The following BACH2 variants were observed in gnomAD, a reference collection of about 807,000 sequenced individuals.
The protein encoded by BACH2 is transcription regulator protein BACH2.
BACH2 carries 5 observed loss-of-function variants against 61.8 expected under a neutral mutation model. That is an observed-to-expected ratio of 0.08 (90% confidence interval 0.04 to 0.17). The LOEUF (loss-of-function observed/expected upper bound fraction) is 0.17. Among genes scored for constraint, BACH2 ranks in the 10% least tolerant of loss-of-function variants. BACH2 has a pLI of 1.00. For missense variants in BACH2, 824 were observed against 1,091.1 expected, an observed-to-expected ratio of 0.76 and a Z score of 3.45; for synonymous variants, 446 against 440.1, an observed-to-expected ratio of 1.01 and a Z score of -0.17.
chr6:90,028,078 G>C (rs1043966056), intron 5 of BACH2, among the ~76,000 whole-genome samples: 1 of 152,174 alleles, frequency 6.6e-6, no homozygotes, highest in Non-Finnish European at 1.5e-5. Flanking sequence ...TCTGGTACTT[G>C]CTGGCAACTT....
At chr6:90,155,398 T>C (rs760341149) in intron 4 of BACH2, among the ~76,000 whole-genome samples, 1 of 152,170 alleles carries the variant, frequency 6.6e-6, no homozygotes, top group Non-Finnish European at 1.5e-5. Context: ...ATAAACATCA[T>C]TTTTGGAAAA....
intron 5 of BACH2, among the ~76,000 whole-genome samples, chr6:90,012,088 A>G (rs1030830032): frequency 6.6e-6 from 1 of 151,764 alleles, no homozygotes; most frequent in Non-Finnish European, 1.5e-5. Context: ...GAGCCACTGT[A>G]CCCAGCCTCT....
intron 6 of BACH2, among the ~76,000 whole-genome samples, chr6:89,957,075 GCC>G (rs1774464968): frequency 6.6e-6 from 1 of 152,204 alleles, no homozygotes; most frequent in Non-Finnish European, 1.5e-5. Flanking sequence ...ATGAACCCCT[GCC>G]CAAGGGCTTT....
At chr6:89,990,109 A>G (rs1477503933) in intron 6 of BACH2, among the ~76,000 whole-genome samples, 2 of 152,172 alleles carry the variant, frequency 1.3e-5, no homozygotes, top group Non-Finnish European at 2.9e-5. Flanking sequence ...ATAGGGCCAC[A>G]TCTTCACCAC....
At chr6:90,046,577 C>A (rs1303786824) in intron 5 of BACH2, among the ~76,000 whole-genome samples, 2 of 152,280 alleles carry the variant, frequency 1.3e-5, no homozygotes, top group Middle Eastern at 6.8e-3. Context: ...GACATAGTAG[C>A]TATTTTGAAA....
At chr6:90,175,721 A>G (rs1263392684) in intron 4 of BACH2, among the ~76,000 whole-genome samples, 1 of 152,132 alleles carries the variant, frequency 6.6e-6, no homozygotes, top group African/African-American at 2.4e-5. Flanking sequence ...GACATCTTAA[A>G]ACTACCTTTC....
intron 5 of BACH2, among the ~76,000 whole-genome samples, chr6:90,077,933 G>C (rs1267027917): frequency 6.6e-6 from 1 of 152,124 alleles, no homozygotes; most frequent in East Asian, 1.9e-4. Flanking sequence ...TTATGACTTT[G>C]TACTGTGAAA....
intron 4 of BACH2, among the ~76,000 whole-genome samples, chr6:90,125,255 C>T (rs1258214421): frequency 3.3e-5 from 5 of 152,136 alleles, no homozygotes; most frequent in Non-Finnish European, 7.4e-5. Context: ...TACAGCAATC[C>T]AGTGATTAGG....
At chr6:89,937,161 G>A (rs1773075084) in intron 8 of BACH2, among the ~76,000 whole-genome samples, 1 of 152,116 alleles carries the variant, frequency 6.6e-6, no homozygotes, top group African/African-American at 2.4e-5. Context: ...GCACAGGGAT[G>A]GCGATGACAG....
chr6:90,193,680 T>C (rs1341894070), intron 4 of BACH2, among the ~76,000 whole-genome samples: 1 of 152,198 alleles, frequency 6.6e-6, no homozygotes, highest in Admixed American at 6.5e-5. Flanking sequence ...TCAGAAATAC[T>C]TCCACTGGGC....
At chr6:90,269,607 C>A (rs746874904) in intron 2 of BACH2, among the ~76,000 whole-genome samples, 4 of 152,108 alleles carry the variant, frequency 2.6e-5, no homozygotes, top group Non-Finnish European at 5.9e-5. Context: ...AAAGACAGGG[C>A]ACATTTTGAT....
At chr6:90,109,871 C>A (rs1402286441) in intron 4 of BACH2, among the ~76,000 whole-genome samples, 1 of 151,986 alleles carries the variant, frequency 6.6e-6, no homozygotes, top group East Asian at 1.9e-4. Flanking sequence ...CCAAAGAGTT[C>A]TTGATTATGT....
intron 1 of BACH2, among the ~76,000 whole-genome samples, chr6:90,274,425 A>G (rs1771627198): frequency 6.6e-6 from 1 of 152,256 alleles, no homozygotes. Context: ...AACCTTAGTC[A>G]TAAACCTCAA....
chr6:90,031,073 C>T (rs1159692373), intron 5 of BACH2, among the ~76,000 whole-genome samples: 1 of 151,196 alleles, frequency 6.6e-6, no homozygotes, highest in Admixed American at 6.6e-5. Flanking sequence ...TAAACATAAT[C>T]CAACATATAA....
At chr6:90,099,845 AG>A (rs1782540418) in intron 4 of BACH2, among the ~76,000 whole-genome samples, 1 of 152,138 alleles carries the variant, frequency 6.6e-6, no homozygotes. Context: ...GTATATTCAC[AG>A]AGTTGTGCGA....
intron 5 of BACH2, among the ~76,000 whole-genome samples, chr6:90,076,602 C>T (rs139018443): frequency 7.7e-4 from 118 of 152,276 alleles, no homozygotes; most frequent in Non-Finnish European, 6.3e-4. Flanking sequence ...GCCCCCTTTC[C>T]CTTTGCTTGT....
At chr6:90,108,774 T>C (rs749924286) in intron 4 of BACH2, among the ~76,000 whole-genome samples, 7 of 152,182 alleles carry the variant, frequency 4.6e-5, no homozygotes, top group Non-Finnish European at 1.0e-4. Context: ...GCCCTTCTTG[T>C]CTTACATCCT....
chr6:90,225,811 G>A (rs1004094978), intron 3 of BACH2, among the ~76,000 whole-genome samples: 3 of 152,200 alleles, frequency 2.0e-5, no homozygotes, highest in African/African-American at 7.2e-5. Context: ...TGGTGGAGGA[G>A]AAAGGCTGCA....
chr6:90,152,732 T>TATTC (rs1282903651), intron 4 of BACH2, among the ~76,000 whole-genome samples: 1 of 152,258 alleles, frequency 6.6e-6, no homozygotes, highest in African/African-American at 2.4e-5. Flanking sequence ...TATTTAGTGT[T>TATTC]ATTCATTCAT....
Sources: gnomAD v4.1 joint callset for allele counts (sites outside exome capture counted in the v4.1 genomes callset) on GRCh38, gnomAD v4.1.1 for gene constraint, MANE v1.5 for transcripts, NCBI Gene and HGNC (gene_info 2026-07-23, HGNC 2026-07-21) for gene names.